IARS2: variants seen among roughly 807,000 people sequenced by gnomAD.
The protein encoded by IARS2 is isoleucine--tRNA ligase, mitochondrial.
Under a neutral mutation model 126.3 loss-of-function variants are expected in IARS2, and 56 were observed. The ratio of observed to expected loss-of-function variants is 0.44; its 90% CI spans 0.36 to 0.55. The LOEUF (loss-of-function observed/expected upper bound fraction) is 0.55. Among genes scored for constraint, IARS2 ranks in the 20% least tolerant of loss-of-function variants. IARS2 has a pLI of 0.00. For missense variants in IARS2, 1,127 were observed against 1,245.9 expected, an observed-to-expected ratio of 0.90 and a Z score of 1.44; for synonymous variants, 407 against 441.1, an observed-to-expected ratio of 0.92 and a Z score of 0.97.
chr1:220,114,502 G>T, intron 12 of IARS2, 28 bp downstream of exon 12: 1 of 1,541,508 alleles, frequency 6.5e-7, no homozygotes, highest in Non-Finnish European at 8.8e-7. Context: ...ATTTTTTAGT[G>T]TTTTAAAGTG....
intron 2 of IARS2, among the ~76,000 whole-genome samples, chr1:220,099,516 T>A (rs1656521471): frequency 6.6e-6 from 1 of 152,184 alleles, no homozygotes; most frequent in African/African-American, 2.4e-5. Context: ...GGCTACTATA[T>A]AAGATACCAT....
intron 12 of IARS2, among the ~76,000 whole-genome samples, chr1:220,115,935 T>C (rs917078376): frequency 6.6e-6 from 1 of 152,124 alleles, no homozygotes; most frequent in African/African-American, 2.4e-5. Context: ...TAAGAAACAT[T>C]GTTATGTGGG....
In IARS2 at chr1:220,102,404, G is replaced by A. The variant is rs199601961; in HGVS notation, c.741G>A (p.Pro247=). Residue 247 remains proline, a synonymous_variant, in exon 5 of 23, where the codon CCG becomes CCA. Transcript: ENST00000366922. ...YRSYKPVFWS[P]SSRTALAEAE... is the part of the protein sequence containing the mutation. ...CTTACAAACCTGTGTTTTGGTCTCC[G>A]TCATCTAGGTATATATGCATTTTTC... 1.6e-4 allele frequency: 257 copies of A among 1,613,684 alleles called. 1 individual carries two copies. The East Asian group carries it at 3.9e-3, about 24-fold the overall frequency.
chr1:220,126,745 A>G lies in IARS2; in HGVS notation c.1744-5A>G. 2 of 1,608,690 alleles carry G rather than the reference A, an allele frequency of 1.2e-6. No individual in the cohort carries two copies. The highest frequency in any genetic ancestry group is 4.5e-5 in the East Asian group (2 of 44,810). Reference sequence around the variant, plus strand: ...ACCTGACATGCTTTTGCATTATCTTACTAGGTTGGTGGCCCTGATGCCTTG... The same window carrying G: ...ACCTGACATGCTTTTGCATTATCTTGCTAGGTTGGTGGCCCTGATGCCTTG... On this transcript the variant is annotated splice_region_variant and splice_polypyrimidine_tract_variant and intron_variant, in intron 13 of 22. Coordinates refer to ENST00000366922, the MANE Select transcript of IARS2 (RefSeq NM_018060.4).
At chr1:220,140,909 G>A (rs143218357) in intron 19 of IARS2, among the ~76,000 whole-genome samples, 3 of 151,128 alleles carry the variant, frequency 2.0e-5, no homozygotes, top group South Asian at 2.1e-4. Flanking sequence ...GCGTGAACCC[G>A]GGAGGCAGAG....
chr1:220,094,413 T>C lies in IARS2; in HGVS notation c.197T>C (p.Leu66Pro), dbSNP rs1290533828. The C allele has an allele frequency of 1.2e-6, 2 of 1,611,842 alleles. No individual in the cohort carries two copies. Among genetic ancestry groups the C allele is most frequent in the South Asian group, 1.1e-5 (1 of 91,016 alleles). ...NSGRYRDTVL[L>P]PQTSFPMKLL... ...GGCAGATACCGGGACACGGTGCTGC[T>C]GCCGCAGACGAGCTTCCCCATGAAG... Residue 66 changes from leucine to proline, a missense_variant, in exon 1 of 23, where the codon CTG (leucine) becomes CCG (proline). Leu to Pro is a moderately conservative substitution (Grantham distance 98). Coordinates refer to ENST00000366922, the MANE Select transcript of IARS2 (RefSeq NM_018060.4).
At position 220,094,355 on chromosome 1, in the gene IARS2, G is replaced by T. The variant is rs1344273246; in HGVS notation, c.139G>T (p.Gly47Trp). 6.2e-7 allele frequency: 1 copy of T among 1,612,966 alleles called. No individual in the cohort carries two copies. The highest frequency in any genetic ancestry group is 8.5e-7 in the Non-Finnish European group (1 of 1,179,678). The change falls in exon 1 of 23, where the codon GGG becomes TGG. Residue 47 changes from glycine (G) to tryptophan (W), a missense_variant. Physicochemically the swap from Gly to Trp is radical, Grantham distance 184. Transcript: ENST00000366922. ...GAGGCTTCTGGTGCGGTCGGTCTCC[G>T]GGGCCAGTAACCACCAGCCGAACTC... Reference protein sequence around the residue: ...TKRLLVRSVSGASNHQPNSNS... With the variant: ...TKRLLVRSVSWASNHQPNSNS...
intron 18 of IARS2, among the ~76,000 whole-genome samples, chr1:220,139,567 A>G (rs1366280249): frequency 2.0e-5 from 3 of 152,140 alleles, no homozygotes; most frequent in African/African-American, 7.2e-5. Flanking sequence ...CCTGGGCAAC[A>G]GAGCAGGAAC....
chr1:220,135,812 A>ATTTTT (rs1282331832), intron 15 of IARS2, among the ~76,000 whole-genome samples: 1 of 126,136 alleles, frequency 7.9e-6, no homozygotes, highest in Non-Finnish European at 1.7e-5. Context: ...TTCATTTAAA[A>ATTTTT]TTTTTTTTTT....
intron 15 of IARS2, among the ~76,000 whole-genome samples, chr1:220,135,719 AT>A (rs371737874): frequency 6.7e-6 from 1 of 148,860 alleles, no homozygotes; most frequent in African/African-American, 2.5e-5. Context: ...GGCAGATCCT[AT>A]TTTTTTCAAA....
At chr1:220,133,664 C>G (rs1458575283) in intron 14 of IARS2, among the ~76,000 whole-genome samples, 1 of 151,936 alleles carries the variant, frequency 6.6e-6, no homozygotes, top group Non-Finnish European at 1.5e-5. Context: ...TTTGAAAACC[C>G]TTTTATTTTG....
Position 220,145,622 on chromosome 1 carries a change from G to C in IARS2, c.2865G>C (p.Glu955Asp), listed in dbSNP as rs1454431493. 1.9e-6 allele frequency: 3 copies of C among 1,613,114 alleles called. No individual in the cohort carries two copies. Among genetic ancestry groups the C allele is most frequent in the Non-Finnish European group, 1.7e-6 (2 of 1,179,492 alleles). Residue 955 changes from glutamate to aspartate, a missense_variant, in exon 22 of 23, where the codon GAG becomes GAC. Glu to Asp is a conservative substitution (Grantham distance 45). Transcript: ENST00000366922. Reference sequence around the variant, plus strand: ...GAGAGATGACTGCAGATGTAATCGAGCTTAAAGGGAAATTCCTCATCAACT... The same window carrying C: ...GAGAGATGACTGCAGATGTAATCGACCTTAAAGGGAAATTCCTCATCAACT... ...EPREMTADVIELKGKFLINLE... is the reference protein window; with the variant it reads ...EPREMTADVIDLKGKFLINLE...
At chr1:220,122,379 A>G (rs1450732767) in intron 12 of IARS2, among the ~76,000 whole-genome samples, 2 of 152,218 alleles carry the variant, frequency 1.3e-5, no homozygotes, top group African/African-American at 4.8e-5. Context: ...CATCTCTGAT[A>G]CGTAGTCTTC....
intron 2 of IARS2, among the ~76,000 whole-genome samples, chr1:220,099,387 T>C (rs1476948629): frequency 1.3e-5 from 2 of 152,162 alleles, no homozygotes; most frequent in African/African-American, 2.4e-5. Context: ...ATACAGTCGA[T>C]GTAAAACATT....
In IARS2 at chr1:220,147,628, G is replaced by GA. The variant is rs770785731; in HGVS notation, c.3036dup (p.Ter1013IlefsTer17). 94 of 1,613,886 alleles carry GA rather than the reference G, an allele frequency of 5.8e-5. No homozygotes were observed. Among genetic ancestry groups the GA allele is most frequent in the Non-Finnish European group, 7.3e-5 (86 of 1,179,958 alleles). On this transcript the variant is annotated frameshift_variant, in exon 23 of 23. Coordinates refer to ENST00000366922, the MANE Select transcript of IARS2 (RefSeq NM_018060.4). LOFTEE classifies it high-confidence loss of function. ...CCTCGATGTGCAGAAGTTGTCAGTG[G>GA]AAAATAGTATTAACAGCTCACTCGA...
At chr1:220,119,834 A>G (rs1657002211) in intron 12 of IARS2, among the ~76,000 whole-genome samples, 1 of 152,124 alleles carries the variant, frequency 6.6e-6, no homozygotes, top group Admixed American at 6.6e-5. Flanking sequence ...CTTGTGTATG[A>G]AAATCAAATG....
intron 15 of IARS2, 111 bp downstream of exon 15, chr1:220,134,621 G>A (rs1378776055): frequency 3.7e-6 from 2 of 535,504 alleles, no homozygotes; most frequent in African/African-American, 2.0e-5. Flanking sequence ...ACAGTGTCCT[G>A]TAAGAATTTG....
At position 220,143,089 on chromosome 1, in the gene IARS2, G is replaced by A. The variant is rs1336228536; in HGVS notation, c.2706G>A (p.Lys902=). ...CTGGCAAAAATGCAGCTGAGTACAA[G>A]GTTATCACTGTGATAGAACCTGGAC... The part of the protein sequence containing the change: ...SIPGKNAAEY[K]VITVIEPGLL... The change falls in exon 21 of 23, where the codon AAG becomes AAA. Residue 902 remains lysine, a synonymous_variant. Coordinates refer to ENST00000366922, the MANE Select transcript of IARS2 (RefSeq NM_018060.4). 6.2e-6 allele frequency: 10 copies of A among 1,613,920 alleles called. No homozygotes were observed. Among genetic ancestry groups the A allele is most frequent in the Non-Finnish European group, 8.5e-6 (10 of 1,179,958 alleles).
intron 3 of IARS2, 42 bp from the exon 4 acceptor site, chr1:220,102,087 A>C: frequency 6.5e-7 from 1 of 1,549,906 alleles, no homozygotes; most frequent in Non-Finnish European, 8.8e-7. Context: ...AAGAATTCGA[A>C]TTCATTGGTT....
Sources: allele counts gnomAD v4.1 joint callset (sites outside exome capture counted in the v4.1 genomes callset), GRCh38; gene constraint gnomAD v4.1.1; transcripts MANE v1.5; gene names NCBI Gene and HGNC (gene_info 2026-07-23, HGNC 2026-07-21).